Variants in CEP112 observed in about 807,000 individuals in gnomAD.
CEP112 encodes centrosomal protein of 112 kDa.
Under a neutral mutation model 153.0 loss-of-function variants are expected in CEP112, and 127 were observed. That is an observed-to-expected ratio of 0.83 (90% CI 0.72 to 0.96). The LOEUF is 0.96. Ranked by LOEUF, CEP112 falls within the 40% of genes least tolerant of loss-of-function variation. The pLI is 0.00. For synonymous variants in CEP112, 358 were observed against 374.4 expected, an observed-to-expected ratio of 0.96 and a Z score of 0.51; for missense variants, 1,089 against 1,101.2, an observed-to-expected ratio of 0.99 and a Z score of 0.16.
chr17:65,764,275 T>C (rs2052799458), intron 21 of CEP112, among the ~76,000 whole-genome samples: 1 of 152,250 alleles, frequency 6.6e-6, no homozygotes, highest in Non-Finnish European at 1.5e-5. Context: ...GCCCATTTTG[T>C]CTAAAGCACA....
intron 8 of CEP112, among the ~76,000 whole-genome samples, chr17:66,080,605 G>T (rs1416742172): frequency 6.6e-6 from 1 of 152,312 alleles, no homozygotes; most frequent in East Asian, 1.9e-4. Context: ...ACAGTGTGGA[G>T]ATTCCTCAAG....
intron 18 of CEP112, chr17:65,941,491 T>A (rs2061503275): frequency 6.6e-6 from 1 of 152,296 alleles, no homozygotes; most frequent in South Asian, 2.1e-4. Context: ...CTTTTCACAA[T>A]ATAACAAAAA....
chr17:65,995,610 G>T (rs937734018), intron 17 of CEP112, among the ~76,000 whole-genome samples: 1 of 152,262 alleles, frequency 6.6e-6, no homozygotes, highest in East Asian at 1.9e-4. Context: ...GGAGCATTCT[G>T]GGCATTTAGT....
intron 8 of CEP112, among the ~76,000 whole-genome samples, chr17:66,086,596 C>T (rs1378366613): frequency 6.0e-5 from 9 of 151,242 alleles, no homozygotes; most frequent in Non-Finnish European, 1.3e-4. Context: ...TTAGCAGAGA[C>T]GGGGTTTCAC....
At chr17:66,028,747 A>C (rs2065332205) in intron 14 of CEP112, among the ~76,000 whole-genome samples, 1 of 151,928 alleles carries the variant, frequency 6.6e-6, no homozygotes, top group Admixed American at 6.6e-5. Context: ...AGAAAACTTC[A>C]AAATTTTAAT....
intron 24 of CEP112, among the ~76,000 whole-genome samples, chr17:65,658,775 C>T (rs774507834): frequency 1.3e-5 from 2 of 151,872 alleles, no homozygotes; most frequent in African/African-American, 4.8e-5. Context: ...GGGACTTCCA[C>T]ATTTAGGATG....
At chr17:66,114,206 C>T (rs1437875552) in intron 6 of CEP112, among the ~76,000 whole-genome samples, 2 of 152,154 alleles carry the variant, frequency 1.3e-5, no homozygotes, top group Non-Finnish European at 2.9e-5. Flanking sequence ...TATGTAATAA[C>T]TTAGGCTAGA....
At chr17:65,937,531 C>A (rs2061362578) in intron 18 of CEP112, among the ~76,000 whole-genome samples, 2 of 137,858 alleles carry the variant, frequency 1.5e-5, no homozygotes, top group Admixed American at 8.3e-5. Context: ...TGAGGAGCCC[C>A]TCTGCCCGGC....
intron 21 of CEP112, among the ~76,000 whole-genome samples, chr17:65,753,872 G>A (rs1310488198): frequency 1.3e-5 from 2 of 152,136 alleles, no homozygotes; most frequent in African/African-American, 4.8e-5. Context: ...AGTGCAGGAA[G>A]GCCTGTGTCT....
At chr17:65,777,077 C>T (rs1042248218) in intron 21 of CEP112, among the ~76,000 whole-genome samples, 12 of 152,190 alleles carry the variant, frequency 7.9e-5, no homozygotes, top group African/African-American at 1.2e-4. Context: ...TGCAGCTGGA[C>T]GTGGTCATGT....
intron 16 of CEP112, among the ~76,000 whole-genome samples, chr17:66,025,109 C>T (rs1325726607): frequency 6.6e-6 from 1 of 151,968 alleles, no homozygotes; most frequent in Non-Finnish European, 1.5e-5. Flanking sequence ...AACTGAATCC[C>T]TCTCTCACCA....
intron 17 of CEP112, among the ~76,000 whole-genome samples, chr17:65,985,020 G>A (rs2063352984): frequency 6.6e-6 from 1 of 152,246 alleles, no homozygotes; most frequent in South Asian, 2.1e-4. Context: ...GTAACATCAG[G>A]GAATAACCCA....
At chr17:66,106,771 G>A (rs1598362522) in intron 6 of CEP112, among the ~76,000 whole-genome samples, 2 of 152,102 alleles carry the variant, frequency 1.3e-5, no homozygotes, top group East Asian at 3.9e-4. Flanking sequence ...AGAGGAGGAA[G>A]GAATATTTCC....
chr17:65,839,301 T>C (rs1055544050), intron 21 of CEP112, among the ~76,000 whole-genome samples: 19 of 152,054 alleles, frequency 1.2e-4, no homozygotes, highest in African/African-American at 4.6e-4. Flanking sequence ...ATTAAAAAGA[T>C]CATTCATCAT....
At chr17:65,822,323 G>A (rs1019373812) in intron 21 of CEP112, among the ~76,000 whole-genome samples, 1 of 152,066 alleles carries the variant, frequency 6.6e-6, no homozygotes, top group Non-Finnish European at 1.5e-5. Context: ...CAGGGGATTG[G>A]TTCCAGGACT....
intron 18 of CEP112, among the ~76,000 whole-genome samples, chr17:65,934,398 A>T (rs998235320): frequency 6.6e-6 from 1 of 152,200 alleles, no homozygotes; most frequent in Non-Finnish European, 1.5e-5. Context: ...ACAAAACATA[A>T]AAAGAAAGGA....
rs531068950 is a variant in CEP112 at position 65,707,292 on chromosome 17, A to G, written c.2608-18074T>C. On this transcript the variant is annotated intron_variant, in intron 23 of 26. Coordinates refer to ENST00000535342, the MANE Select transcript of CEP112 (RefSeq NM_001199165.4). ...AATTATAAGTCTTTGACAAAGAAAA[A>G]CCTTAAAAACATGCATAACCTACCC... is the stretch of plus-strand genomic sequence containing the variant. 3.5e-4 allele frequency among the ~76,000 whole-genome samples: 53 copies of G among 152,064 alleles called. 1 individual carries two copies. In the South Asian group the frequency reaches 0.011, roughly 30 times the overall value.
intron 24 of CEP112, among the ~76,000 whole-genome samples, chr17:65,676,641 G>A (rs1264089541): frequency 6.6e-6 from 1 of 152,138 alleles, no homozygotes; most frequent in Non-Finnish European, 1.5e-5. Context: ...CCATATAGTA[G>A]GTGCTCAGTA....
chr17:65,941,790 G>GT (rs34682208), intron 18 of CEP112, among the ~76,000 whole-genome samples: 61,278 of 147,756 alleles, frequency 0.41, 13,849 homozygotes, highest in East Asian at 0.86. Context: ...TTGTTTTGTT[G>GT]TTTTTTTTTT....
Sources: gnomAD v4.1 joint callset for allele counts (sites outside exome capture counted in the v4.1 genomes callset) on GRCh38, gnomAD v4.1.1 for gene constraint, MANE v1.5 for transcripts, NCBI Gene and HGNC (gene_info 2026-07-23, HGNC 2026-07-21) for gene names.